Variants in CENPO observed in about 807,000 individuals in gnomAD.
CENPO encodes centromeric protein O.
In CENPO, 30 loss-of-function variants were observed where a neutral mutation model predicts 36.1. That is an observed-to-expected ratio of 0.83 (90% CI 0.62 to 1.13). The LOEUF is 1.13. CENPO is among the 50% of genes most tolerant of loss of function. The pLI is 0.00. For missense variants in CENPO, 349 were observed against 357.8 expected, an observed-to-expected ratio of 0.98 and a Z score of 0.20; for synonymous variants, 171 against 142.3, an observed-to-expected ratio of 1.20 and a Z score of -1.44.
chr2:24,820,703 C>T lies in CENPO; in HGVS notation c.*1385C>T. 2 of 1,613,568 alleles carry T rather than the reference C, an allele frequency of 1.2e-6. No individual in the cohort carries two copies. The highest frequency in any genetic ancestry group is 1.1e-5 in the South Asian group (1 of 91,012). ...TCTCATGCCGAGTCTGAGCACGTGC[C>T]AGCTGTGCCACTGGACATACCTGAA... On this transcript the variant is annotated 3_prime_UTR_variant, in exon 8 of 8. Coordinates refer to ENST00000380834, the MANE Select transcript of CENPO (RefSeq NM_001322101.2).
intron 3 of CENPO, among the ~76,000 whole-genome samples, chr2:24,803,261 G>A (rs1163964151): frequency 7.3e-6 from 1 of 137,666 alleles, no homozygotes; most frequent in African/African-American, 2.7e-5. Flanking sequence ...CAATTTTGTT[G>A]ATCTTTTCAA....
chr2:24,815,265 T>C (rs1218261421), intron 4 of CENPO, among the ~76,000 whole-genome samples: 1 of 150,700 alleles, frequency 6.6e-6, no homozygotes, highest in Non-Finnish European at 1.5e-5. Flanking sequence ...AATTTCTCAA[T>C]AGTTTGACAT....
At chr2:24,798,472 AT>A (rs1217855595) in intron 2 of CENPO, among the ~76,000 whole-genome samples, 31 of 147,524 alleles carry the variant, frequency 2.1e-4, no homozygotes, top group East Asian at 2.0e-4. Flanking sequence ...TCTCACACAA[AT>A]TTTTTTTTTT....
intron 6 of CENPO, 141 bp downstream of exon 6, chr2:24,816,958 T>C (rs981102673): frequency 1.1e-5 from 7 of 660,272 alleles, no homozygotes; most frequent in Non-Finnish European, 1.6e-5. Context: ...ACCGGTAAGA[T>C]AGAACATTCT....
chr2:24,814,629 CACACACACACAG>C, intron 4 of CENPO, 136 bp downstream of exon 4: 1 of 641,570 alleles, frequency 1.6e-6, no homozygotes, highest in East Asian at 2.6e-5. Context: ...CTCACACACA[CACACACACACAG>C]ACACACACAC....
chr2:24,820,673 T>A lies in CENPO; in HGVS notation c.*1355T>A. 6.2e-7 allele frequency: 1 copy of A among 1,610,114 alleles called. No homozygotes were observed. Among genetic ancestry groups the A allele is most frequent in the Non-Finnish European group, 8.5e-7 (1 of 1,177,436 alleles). On this transcript the variant is annotated 3_prime_UTR_variant, in exon 8 of 8. Coordinates refer to ENST00000380834, the MANE Select transcript of CENPO (RefSeq NM_001322101.2). ...GCACGTGGGAAAGCACTGTTCCGGT[T>A]TTGTTCTCATGCCGAGTCTGAGCAC... is the stretch of plus-strand genomic sequence containing the variant.
At chr2:24,799,572 G>GT in intron 2 of CENPO, 103 bp from the exon 3 acceptor site, 4 of 810,014 alleles carry the variant, frequency 4.9e-6, no homozygotes, top group Non-Finnish European at 7.4e-6. Flanking sequence ...CAAAGTTCTG[G>GT]TAAAAAAAAA....
At chr2:24,811,734 T>A (rs1181557895) in intron 3 of CENPO, among the ~76,000 whole-genome samples, 1 of 152,148 alleles carries the variant, frequency 6.6e-6, no homozygotes, top group Non-Finnish European at 1.5e-5. Flanking sequence ...ATGCTGGGAT[T>A]ACAGGCGTGA....
At position 24,820,849 on chromosome 2, in the gene CENPO, C is replaced by A; in HGVS notation, c.*1531C>A. The A allele has an allele frequency of 1.2e-6, 2 of 1,613,806 alleles. No individual in the cohort carries two copies. Among genetic ancestry groups the A allele is most frequent in the Non-Finnish European group, 8.5e-7 (1 of 1,179,810 alleles). ...GCCAGAACCCCGCCTTTGTTCATGC[C>A]TAGGGTAGAGGCATAAAGTTCAGCA... On this transcript the variant is annotated 3_prime_UTR_variant, in exon 8 of 8. Coordinates refer to ENST00000380834, the MANE Select transcript of CENPO (RefSeq NM_001322101.2).
In CENPO at chr2:24,821,759, A is replaced by C. The variant is rs995658719; in HGVS notation, c.*2441A>C. ...CCTACACCTAGATGTTCAAGGCCTT[A>C]CTTTTCCTCCCACAAAGGAGTCGCA... On this transcript the variant is annotated 3_prime_UTR_variant, in exon 8 of 8. Transcript: ENST00000380834. The C allele has an allele frequency of 1.4e-6, 2 of 1,440,404 alleles. No homozygotes were observed. Among genetic ancestry groups the C allele is most frequent in the Non-Finnish European group, 1.9e-6 (2 of 1,078,048 alleles). 89.2% of individuals were successfully genotyped at this position (1,440,404 alleles called of 1,614,324 possible). A position where few individuals can be genotyped will look rare whatever the true frequency, so the allele number is the denominator to read the frequency against.
intron 2 of CENPO, among the ~76,000 whole-genome samples, chr2:24,795,817 A>G (rs1665875342): frequency 6.6e-6 from 1 of 152,218 alleles, no homozygotes; most frequent in Non-Finnish European, 1.5e-5. Flanking sequence ...TTGCCACCAC[A>G]GTATGAATAA....
In CENPO at chr2:24,819,916, G is replaced by A; in HGVS notation, c.*598G>A. 1 of 1,611,652 alleles carries A rather than the reference G, an allele frequency of 6.2e-7. No individual in the cohort carries two copies. Among genetic ancestry groups the A allele is most frequent in the Non-Finnish European group, 8.5e-7 (1 of 1,179,150 alleles). On this transcript the variant is annotated 3_prime_UTR_variant, in exon 8 of 8. Coordinates refer to ENST00000380834, the MANE Select transcript of CENPO (RefSeq NM_001322101.2). ...ATTCTCCCTTCCGGTTTGGACTGTT[G>A]CAGGCTCGAGGCCATTCAGGAGTTG...
chr2:24,821,047 ACCCCC>A lies in CENPO; in HGVS notation c.*1735_*1739del. The A allele has an allele frequency of 1.9e-6, 1 of 532,516 alleles. No homozygotes were observed. The highest frequency in any genetic ancestry group is 3.0e-6 in the Non-Finnish European group (1 of 333,372). The allele number at this position is 532,516 out of a possible 1,614,324, so 33.0% of individuals were successfully genotyped here. A position where few individuals can be genotyped will look rare whatever the true frequency, so the allele number is the denominator to read the frequency against. On this transcript the variant is annotated 3_prime_UTR_variant, in exon 8 of 8. Transcript: ENST00000380834. ...GTGTGCTTGTTAGGTGTCAGCCGCC[ACCCCC>A]CCCCCATATGCAGATTTACTCGGCA...
rs1303743866 is a variant in CENPO at position 24,822,207 on chromosome 2, T to C, written c.*2889T>C. The C allele has an allele frequency of 4.1e-6, 1 of 245,630 alleles. No individual in the cohort carries two copies. The highest frequency in any genetic ancestry group is 7.8e-6 in the Non-Finnish European group (1 of 127,738). 15.2% of individuals were successfully genotyped at this position (245,630 alleles called of 1,614,324 possible). ...GAGTTCTGAAGGCCATGCTTTCAGT[T>C]TCCCTTGTTGACAATTGCTCTCCAG... On this transcript the variant is annotated 3_prime_UTR_variant, in exon 8 of 8. Coordinates refer to ENST00000380834, the MANE Select transcript of CENPO (RefSeq NM_001322101.2).
At chr2:24,817,381 G>T (rs565223938) in intron 6 of CENPO, among the ~76,000 whole-genome samples, 1 of 150,950 alleles carries the variant, frequency 6.6e-6, no homozygotes, top group African/African-American at 2.4e-5. Context: ...TCACACCATC[G>T]GTCTTTGATT....
At position 24,819,817 on chromosome 2, in the gene CENPO, T is replaced by G; in HGVS notation, c.*499T>G. ...CACGAACAAATGAAGGCTGAGGAGG[T>G]TTCTAAACCTAAAGTCCATGAGTGT... is the stretch of plus-strand genomic sequence containing the variant. On this transcript the variant is annotated 3_prime_UTR_variant, in exon 8 of 8. Coordinates refer to ENST00000380834, the MANE Select transcript of CENPO (RefSeq NM_001322101.2). The G allele has an allele frequency of 8.8e-7, 1 of 1,135,848 alleles. No individual in the cohort carries two copies. Among genetic ancestry groups the G allele is most frequent in the East Asian group, 2.7e-5 (1 of 37,412 alleles). The allele number at this position is 1,135,848 out of a possible 1,614,324, so 70.4% of individuals were successfully genotyped here.
At chr2:24,814,275 A>G (rs1229630333) in intron 3 of CENPO, 101 bp from the exon 4 acceptor site, 3 of 732,710 alleles carry the variant, frequency 4.1e-6, no homozygotes, top group East Asian at 2.5e-5. Context: ...TTGATGTATT[A>G]TATCATGTGC....
intron 3 of CENPO, among the ~76,000 whole-genome samples, chr2:24,802,388 G>A (rs1666201144): frequency 6.6e-6 from 1 of 152,000 alleles, no homozygotes; most frequent in Non-Finnish European, 1.5e-5. Context: ...GTGAGAGAGG[G>A]CATCCCTGTC....
At position 24,821,908 on chromosome 2, in the gene CENPO, G is replaced by T. The variant is rs921055879; in HGVS notation, c.*2590G>T. 7 of 417,558 alleles carry T rather than the reference G, an allele frequency of 1.7e-5. No homozygotes were observed. Among genetic ancestry groups the T allele is most frequent in the African/African-American group, 1.4e-4 (7 of 49,408 alleles). The allele number at this position is 417,558 out of a possible 1,614,324, so 25.9% of individuals were successfully genotyped here. Reference sequence around the variant, plus strand: ...CCACGAGGCGGACCCCTTCACCTTGGCTGGGCCTGGTCCTGGTCCTTAGGT... The same window carrying T: ...CCACGAGGCGGACCCCTTCACCTTGTCTGGGCCTGGTCCTGGTCCTTAGGT... On this transcript the variant is annotated 3_prime_UTR_variant, in exon 8 of 8. Coordinates refer to ENST00000380834, the MANE Select transcript of CENPO (RefSeq NM_001322101.2).
Sources: gnomAD v4.1 joint callset for allele counts (sites outside exome capture counted in the v4.1 genomes callset) on GRCh38, gnomAD v4.1.1 for gene constraint, MANE v1.5 for transcripts, NCBI Gene and HGNC (gene_info 2026-07-23, HGNC 2026-07-21) for gene names.